GUCD1: variants seen among roughly 807,000 people sequenced by gnomAD.
The protein encoded by GUCD1 is guanylyl cyclase domain containing 1.
In GUCD1, 17 loss-of-function variants were observed where a neutral mutation model predicts 28.3. The ratio of observed to expected loss-of-function variants is 0.60; its 90% CI spans 0.41 to 0.90. GUCD1 has a LOEUF of 0.90. GUCD1 is among the 40% of genes least tolerant of loss of function. GUCD1 has a pLI of 0.00. For synonymous variants in GUCD1, 129 were observed against 123.3 expected, an observed-to-expected ratio of 1.05 and a Z score of -0.30; for missense variants, 279 against 305.5, an observed-to-expected ratio of 0.91 and a Z score of 0.65.
chr22:24,546,301 A>C (rs1454203905), intron 4 of GUCD1, among the ~76,000 whole-genome samples: 1 of 152,210 alleles, frequency 6.6e-6, no homozygotes, highest in Non-Finnish European at 1.5e-5. Context: ...ATGTGATTAT[A>C]CTACGTCAAT....
rs755688603 is a variant in GUCD1, at chr22:24,544,028, C to G, written c.442G>C (p.Val148Leu). Residue 148 changes from valine to leucine, a missense_variant, in exon 5 of 6, where the codon GTG (valine) becomes CTG (leucine). Physicochemically the swap from Val to Leu is conservative, Grantham distance 32. Transcript: ENST00000435822. The stretch of plus-strand genomic sequence containing the variant: ...TGCAGCACCCCCGAGTTCACCAGCA[C>G]GATGGCCACATGGCCCTGAGCCAGG... ...AHLAQGHVAI[V>L]LVNSGVLHCD... 5.0e-6 allele frequency: 8 copies of G among 1,613,712 alleles called. No homozygotes were observed. The highest frequency in any genetic ancestry group is 6.8e-6 in the Non-Finnish European group (8 of 1,179,772).
rs954284314 is a variant in GUCD1 at position 24,542,250 on chromosome 22, G to C, written c.*756C>G. ...GGGTGCAGGGATCCCTCTGGGGCTA[G>C]GGCAGCTGTTTATTCCCAGAGCACT... On this transcript the variant is annotated 3_prime_UTR_variant, in exon 6 of 6. Transcript: ENST00000435822. 3 of 152,276 alleles carry C rather than the reference G, an allele frequency of 2.0e-5. No individual in the cohort carries two copies. The highest frequency in any genetic ancestry group is 4.8e-5 in the African/African-American group (2 of 41,462). 9.4% of individuals were successfully genotyped at this position (152,276 alleles called of 1,614,324 possible). A position where few individuals can be genotyped will look rare whatever the true frequency, so the allele number is the denominator to read the frequency against.
Position 24,546,906 on chromosome 22 carries a change from G to A in GUCD1, c.386+8C>T. ...AGGAAGGGCAGGTAGGAAAGTTGGG[G>A]GGCTCACCATTTCTCCACCAGCACC... On this transcript the variant is annotated splice_region_variant and intron_variant, in intron 4 of 5. Coordinates refer to ENST00000435822, the MANE Select transcript of GUCD1 (RefSeq NM_001284254.2). 6.2e-7 allele frequency: 1 copy of A among 1,612,592 alleles called. No homozygotes were observed. Among genetic ancestry groups the A allele is most frequent in the Non-Finnish European group, 8.5e-7 (1 of 1,178,956 alleles).
intron 1 of GUCD1, among the ~76,000 whole-genome samples, chr22:24,550,110 C>T (rs2044833565): frequency 6.6e-6 from 1 of 152,222 alleles, no homozygotes; most frequent in East Asian, 1.9e-4. Context: ...GTTCCAGTCT[C>T]AACTGTGCCA....
chr22:24,548,402 G>C (rs2044785154), intron 2 of GUCD1, among the ~76,000 whole-genome samples: 1 of 152,180 alleles, frequency 6.6e-6, no homozygotes, highest in African/African-American at 2.4e-5. Context: ...CAAAGTTTTA[G>C]GCAAAGAACG....
intron 4 of GUCD1, among the ~76,000 whole-genome samples, chr22:24,544,499 C>T (rs947475564): frequency 6.6e-6 from 1 of 152,244 alleles, no homozygotes; most frequent in African/African-American, 2.4e-5. Flanking sequence ...GCCAGCCAAG[C>T]ATGGCTCAGA....
intron 5 of GUCD1, 140 bp from the exon 6 acceptor site, chr22:24,543,237 C>T: frequency 1.5e-6 from 1 of 652,378 alleles, no homozygotes; most frequent in Non-Finnish European, 2.8e-6. Context: ...TCCTCCACCC[C>T]CAGGAAGCCC....
intron 2 of GUCD1, 67 bp from the exon 3 acceptor site, chr22:24,548,140 C>T: frequency 1.4e-6 from 2 of 1,382,868 alleles, no homozygotes; most frequent in South Asian, 1.2e-5. Context: ...TCACCCTCCA[C>T]CCACTGGCCC....
intron 1 of GUCD1, among the ~76,000 whole-genome samples, chr22:24,550,682 G>C (rs1487730444): frequency 1.3e-5 from 2 of 152,182 alleles, no homozygotes; most frequent in African/African-American, 4.8e-5. Context: ...CGCCAGCTAA[G>C]ACGGCCACTC....
At position 24,542,701 on chromosome 22, in the gene GUCD1, C is replaced by A. The variant is rs929040079; in HGVS notation, c.*305G>T. ...GGAGACCATTGCCATGGATCTGGCT[C>A]AAAGGCAACAAGGGCACTGTCGGGA... is the stretch of plus-strand genomic sequence containing the variant. On this transcript the variant is annotated 3_prime_UTR_variant, in exon 6 of 6. Transcript: ENST00000435822. 5.4e-6 allele frequency: 2 copies of A among 370,688 alleles called. No individual in the cohort carries two copies. Among genetic ancestry groups the A allele is most frequent in the Admixed American group, 3.8e-5 (1 of 26,286 alleles). 23.0% of individuals were successfully genotyped at this position (370,688 alleles called of 1,614,324 possible).
At chr22:24,549,948 GGT>G (rs2044829693) in intron 1 of GUCD1, among the ~76,000 whole-genome samples, 1 of 152,212 alleles carries the variant, frequency 6.6e-6, no homozygotes, top group Admixed American at 6.5e-5. Context: ...GGACCACCAG[GGT>G]GTGAGACCAT....
At chr22:24,545,485 G>GC (rs1259315210) in intron 4 of GUCD1, among the ~76,000 whole-genome samples, 2 of 152,070 alleles carry the variant, frequency 1.3e-5, no homozygotes, top group Non-Finnish European at 1.5e-5. Flanking sequence ...AGCAGAGATA[G>GC]CAACAGCTTT....
chr22:24,543,332 C>T (rs1237846231), intron 5 of GUCD1, among the ~76,000 whole-genome samples: 2 of 152,202 alleles, frequency 1.3e-5, no homozygotes, highest in Admixed American at 6.5e-5. Context: ...GGGGCAGAAA[C>T]GTGCTCCAGG....
upstream of GUCD1, chr22:24,555,638 T>A (rs1384197348): frequency 1.3e-6 from 2 of 1,550,502 alleles, no homozygotes; most frequent in Non-Finnish European, 1.7e-6. Flanking sequence ...GATCAACAAA[T>A]GAAATTGTGA....
intron 4 of GUCD1, 101 bp from the exon 5 acceptor site, chr22:24,544,184 G>A: frequency 6.7e-7 from 1 of 1,498,284 alleles, no homozygotes; most frequent in Non-Finnish European, 9.0e-7. Flanking sequence ...AAAGCTTGGG[G>A]ATCGGCTCCT....
chr22:24,543,530 T>C (rs930077911), intron 5 of GUCD1, among the ~76,000 whole-genome samples: 4 of 151,398 alleles, frequency 2.6e-5, no homozygotes, highest in Non-Finnish European at 4.4e-5. Context: ...ATCCTGGTGG[T>C]TGGGGGAGGG....
At chr22:24,547,187 G>C (rs960025895) in intron 3 of GUCD1, 182 bp from the exon 4 acceptor site, 2 of 587,020 alleles carry the variant, frequency 3.4e-6, no homozygotes, top group Admixed American at 5.4e-5. Flanking sequence ...CTAAGCAGGA[G>C]CAGGGAAGCA....
intron 4 of GUCD1, 96 bp downstream of exon 4, chr22:24,546,818 A>T: frequency 8.8e-7 from 1 of 1,129,960 alleles, no homozygotes; most frequent in Admixed American, 1.7e-5. Context: ...CCAGAGTCCT[A>T]GCCTTTCCTG....
At position 24,543,916 on chromosome 22, in the gene GUCD1, C is replaced by G; in HGVS notation, c.554G>C (p.Gly185Ala). ...HCFCRTPDYQGHFIVLRGYNR... is the reference protein window; with the variant it reads ...HCFCRTPDYQAHFIVLRGYNR... ...GTAGCCACGCAGCACGATGAAGTGG[C>G]CCTGGTAGTCAGGAGTGCGGCAGAA... Residue 185 changes from glycine (G) to alanine (A), a missense_variant, in exon 5 of 6, where the codon GGC becomes GCC. Gly to Ala is a moderately conservative substitution (Grantham distance 60, BLOSUM62 0). Coordinates refer to ENST00000435822, the MANE Select transcript of GUCD1 (RefSeq NM_001284254.2). The G allele has an allele frequency of 6.2e-7, 1 of 1,614,020 alleles. No homozygotes were observed. Among genetic ancestry groups the G allele is most frequent in the East Asian group, 2.2e-5 (1 of 44,876 alleles).
Sources: allele counts gnomAD v4.1 joint callset (sites outside exome capture counted in the v4.1 genomes callset), GRCh38; gene constraint gnomAD v4.1.1; transcripts MANE v1.5; gene names NCBI Gene and HGNC (gene_info 2026-07-23, HGNC 2026-07-21).